ERFL: variants seen among roughly 807,000 people sequenced by gnomAD.
ERFL encodes the protein ETS repressor factor like.
In ERFL, 8 loss-of-function variants were observed where a neutral mutation model predicts 27.9. The ratio of observed to expected loss-of-function variants is 0.29; its 90% CI spans 0.17 to 0.52. ERFL has a LOEUF of 0.52. Ranked by LOEUF, ERFL falls within the 20% of genes least tolerant of loss-of-function variation. The probability of loss-of-function intolerance (pLI) is 0.97; values close to 1 mark genes in which losing one functional copy is unlikely to be tolerated. For synonymous variants in ERFL, 174 were observed against 202.8 expected, an observed-to-expected ratio of 0.86 and a Z score of 1.21; for missense variants, 294 against 444.4, an observed-to-expected ratio of 0.66 and a Z score of 3.04.
intron 1 of ERFL, among the ~76,000 whole-genome samples, chr19:41,920,662 G>C (rs1346498318): frequency 1.3e-5 from 2 of 152,252 alleles, no homozygotes; most frequent in African/African-American, 4.8e-5. Context: ...TGTCTACACA[G>C]ATCACATTCA....
chr19:41,915,328 T>A (rs1326347599), intron 1 of ERFL, among the ~76,000 whole-genome samples: 1 of 151,384 alleles, frequency 6.6e-6, no homozygotes, highest in African/African-American at 2.4e-5. Context: ...GTGCCCAGCC[T>A]TCGTCCTGTG....
rs111677971 is a variant in ERFL, at chr19:41,917,011, T to TGC, written c.-13-4080_-13-4079insGC. On this transcript the variant is annotated intron_variant, in intron 1 of 5. Transcript: ENST00000597630. This position sits in a 1 kb window ranked among gnomAD's most constrained non-coding sequence, Gnocchi z 4.8. The stretch of plus-strand genomic sequence containing the variant: ...CTTCCCAAGCATGTCTCTGCATGGG[T>TGC]GTGTGTGTGTGTGTGCACATATGTG... 0.23 allele frequency among the ~76,000 whole-genome samples: 35,315 copies of TGC among 151,072 alleles called. 8,260 individuals carry two copies. Among genetic ancestry groups the TGC allele is most frequent in the African/African-American group, 0.61 (25,026 of 41,128 alleles).
rs2074743546 is a variant in ERFL at position 41,910,037 on chromosome 19, T to C, written c.128A>G (p.Gln43Arg). Residue 43 changes from glutamine to arginine, a missense_variant, in exon 3 of 6, where the codon CAG becomes CGG. By Grantham distance (43) the Gln-to-Arg change is conservative. Transcript: ENST00000597630. The surrounding 1 kb of genome is among the most constrained non-coding windows in gnomAD (Gnocchi z 4.4). ...PESSPGSRQI[Q>R]LWHFILELLQ... ...CAGCTCCAGGATAAAGTGCCACAGC[T>C]GGATCTGCCTCGAGCCAGGGGATGA... 1 of 1,613,488 alleles carries C rather than the reference T, an allele frequency of 6.2e-7. No homozygotes were observed. Among genetic ancestry groups the C allele is most frequent in the African/African-American group, 1.3e-5 (1 of 74,890 alleles).
chr19:41,925,167 G>A (rs1200903588), intron 1 of ERFL, among the ~76,000 whole-genome samples: 3 of 152,110 alleles, frequency 2.0e-5, no homozygotes, highest in African/African-American at 7.2e-5. Flanking sequence ...AGTGGGTGTC[G>A]AAGCCTCGGT....
chr19:41,922,836 T>C (rs1467400403), intron 1 of ERFL, among the ~76,000 whole-genome samples: 1 of 152,226 alleles, frequency 6.6e-6, no homozygotes, highest in Non-Finnish European at 1.5e-5. Flanking sequence ...GATGCAATCC[T>C]GGCCCGCGCA....
In ERFL at chr19:41,910,175, C is replaced by G; in HGVS notation, c.68-78G>C. 1 of 1,387,106 alleles carries G rather than the reference C, an allele frequency of 7.2e-7. No individual in the cohort carries two copies. The highest frequency in any genetic ancestry group is 9.8e-7 in the Non-Finnish European group (1 of 1,020,058). 85.9% of individuals were successfully genotyped at this position (1,387,106 alleles called of 1,614,324 possible). A position where few individuals can be genotyped will look rare whatever the true frequency, so the allele number is the denominator to read the frequency against. ...TCTGGGTCCTGCTGGACTCAGTAAC[C>G]TGGGAGGCATGTAGTTCTCCTCCAG... On this transcript the variant is annotated intron_variant, in intron 2 of 5. Coordinates refer to ENST00000597630, the MANE Select transcript of ERFL (RefSeq NM_001365103.2). This position sits in a 1 kb window ranked among gnomAD's most constrained non-coding sequence, Gnocchi z 4.4.
In ERFL at chr19:41,916,339, G is replaced by A. The variant is rs1168368780; in HGVS notation, c.-13-3407C>T. Among the ~76,000 whole-genome samples the A allele has an allele frequency of 2.0e-5, 3 of 151,590 alleles. No individual in the cohort carries two copies. The highest frequency in any genetic ancestry group is 1.5e-5 in the Non-Finnish European group (1 of 67,914). On this transcript the variant is annotated intron_variant, in intron 1 of 5. Coordinates refer to ENST00000597630, the MANE Select transcript of ERFL (RefSeq NM_001365103.2). This position sits in a 1 kb window ranked among gnomAD's most constrained non-coding sequence, Gnocchi z 5.4. ...ACATCACACACACCAACAAAGCAAC[G>A]CATACCACTGCTGCCACACACAACC...
At chr19:41,923,301 A>C in intron 1 of ERFL, 1 of 390,888 alleles carries the variant, frequency 2.6e-6, no homozygotes, top group African/African-American at 2.1e-5. Flanking sequence ...GAGACAGAAA[A>C]GGAGGAAAGA....
Position 41,908,191 on chromosome 19 carries a change from G to A in ERFL, c.*37C>T. The A allele has an allele frequency of 8.1e-7, 1 of 1,229,892 alleles. No homozygotes were observed. The highest frequency in any genetic ancestry group is 1.0e-6 in the Non-Finnish European group (1 of 986,328). The allele number at this position is 1,229,892 out of a possible 1,614,324, so 76.2% of individuals were successfully genotyped here. A position where few individuals can be genotyped will look rare whatever the true frequency, so the allele number is the denominator to read the frequency against. On this transcript the variant is annotated 3_prime_UTR_variant, in exon 6 of 6. Transcript: ENST00000597630. The surrounding 1 kb of genome is among the most constrained non-coding windows in gnomAD (Gnocchi z 6.7). ...CAAGGGCAGACGGGCAGCCACCCTG[G>A]TCCCTGCCTCAGCAGAATCCATTGC...
intron 1 of ERFL, among the ~76,000 whole-genome samples, chr19:41,915,801 G>C: frequency 6.6e-6 from 1 of 152,110 alleles, no homozygotes; most frequent in Non-Finnish European, 1.5e-5. Context: ...ATCGCTGATC[G>C]ACTGATGGAG....
chr19:41,914,399 T>A (rs1347055136), intron 1 of ERFL, among the ~76,000 whole-genome samples: 2 of 150,682 alleles, frequency 1.3e-5, no homozygotes, highest in Non-Finnish European at 3.0e-5. Flanking sequence ...GCCCTCTCCC[T>A]CTCGTCTCCA....
In ERFL at chr19:41,908,053, T is replaced by C. The variant is rs1028290325; in HGVS notation, c.*175A>G. 1 of 452,026 alleles carries C rather than the reference T, an allele frequency of 2.2e-6. No homozygotes were observed. The highest frequency in any genetic ancestry group is 1.2e-4 in the South Asian group (1 of 8,062). The allele number at this position is 452,026 out of a possible 1,614,324, so 28.0% of individuals were successfully genotyped here. A position where few individuals can be genotyped will look rare whatever the true frequency, so the allele number is the denominator to read the frequency against. On this transcript the variant is annotated 3_prime_UTR_variant, in exon 6 of 6. Transcript: ENST00000597630. This position sits in a 1 kb window ranked among gnomAD's most constrained non-coding sequence, Gnocchi z 6.7. ...GCCATCACATTCCCTCTGTCCTCTG[T>C]GGAGGGGGAAGTGAGACCCCCCCCA...
Position 41,909,177 on chromosome 19 carries a change from T to G in ERFL, c.499A>C (p.Thr167Pro). The stretch of plus-strand genomic sequence containing the variant: ...GGGGCAGAGAACAGGGTTTGCAGGG[T>G]CTAGAGAGGGAGTGGGAGAAGCCGC... The part of the protein sequence containing the change: ...GPDAPPLTPE[T>P]LQTLFSAPRL... The change falls in exon 5 of 6, where the codon ACC (threonine) becomes CCC (proline). Residue 167 changes from threonine (T) to proline (P), a missense_variant and splice_region_variant. By Grantham distance (38) the Thr-to-Pro change is conservative (BLOSUM62 -1). This residue lies in a region of ERFL where 246 missense variants were observed against 371.4 expected (regional missense o/e 0.66). Coordinates refer to ENST00000597630, the MANE Select transcript of ERFL (RefSeq NM_001365103.2). The surrounding 1 kb of genome is among the most constrained non-coding windows in gnomAD (Gnocchi z 5.2). 8.1e-7 allele frequency: 1 copy of G among 1,231,384 alleles called. No homozygotes were observed. The highest frequency in any genetic ancestry group is 1.0e-6 in the Non-Finnish European group (1 of 988,066). 76.3% of individuals were successfully genotyped at this position (1,231,384 alleles called of 1,614,324 possible).
rs2074728730 is a variant in ERFL, at chr19:41,908,134, T to C, written c.*94A>G. The C allele has an allele frequency of 2.9e-6, 3 of 1,031,148 alleles. No individual in the cohort carries two copies. Among genetic ancestry groups the C allele is most frequent in the Non-Finnish European group, 2.5e-6 (2 of 804,620 alleles). 63.9% of individuals were successfully genotyped at this position (1,031,148 alleles called of 1,614,324 possible). A position where few individuals can be genotyped will look rare whatever the true frequency, so the allele number is the denominator to read the frequency against. On this transcript the variant is annotated 3_prime_UTR_variant, in exon 6 of 6. Coordinates refer to ENST00000597630, the MANE Select transcript of ERFL (RefSeq NM_001365103.2). The surrounding 1 kb of genome is among the most constrained non-coding windows in gnomAD (Gnocchi z 6.7). ...CAATGTGCCCAGACCTGGGAGGTGC[T>C]GAGGGCTGGTCCTGGGCCTTGGGCC...
chr19:41,912,903 A>G lies in ERFL; in HGVS notation c.17T>C (p.Val6Ala). The G allele has an allele frequency of 1.6e-6, 2 of 1,231,490 alleles. No homozygotes were observed. The highest frequency in any genetic ancestry group is 2.0e-6 in the Non-Finnish European group (2 of 987,904). 76.3% of individuals were successfully genotyped at this position (1,231,490 alleles called of 1,614,324 possible). The part of the protein sequence containing the change: MDCSC[V>A]SDLLFAPPAL... Reference sequence around the variant, plus strand: ...GGGCGGGGCGAAGAGAAGGTCGGAGACGCAGCTACAGTCCATGGCGGAGCC... The same window carrying G: ...GGGCGGGGCGAAGAGAAGGTCGGAGGCGCAGCTACAGTCCATGGCGGAGCC... The change falls in exon 2 of 6, where the codon GTC (valine) becomes GCC (alanine). Residue 6 changes from valine (V) to alanine (A), a missense_variant. Physicochemically the swap from Val to Ala is moderately conservative, Grantham distance 64 (BLOSUM62 0). Around this residue, in one of 3 missense-constraint regions of ERFL, gnomAD observed 38 missense variants for 35.3 expected, o/e 1.08. Coordinates refer to ENST00000597630, the MANE Select transcript of ERFL (RefSeq NM_001365103.2).
At position 41,910,933 on chromosome 19, in the gene ERFL, C is replaced by G. The variant is rs1377100075; in HGVS notation, c.68-836G>C. ...CCCACAGTGCACACCCATCACAACA[C>G]AGAATTACACATCTCAAGACTGGGA... On this transcript the variant is annotated intron_variant, in intron 2 of 5. Transcript: ENST00000597630. The surrounding 1 kb of genome is among the most constrained non-coding windows in gnomAD (Gnocchi z 4.4). Among the ~76,000 whole-genome samples, 2 of 152,184 alleles carry G rather than the reference C, an allele frequency of 1.3e-5. No homozygotes were observed. Among genetic ancestry groups the G allele is most frequent in the Non-Finnish European group, 2.9e-5 (2 of 68,038 alleles).
rs2074811737 is a variant in ERFL, at chr19:41,917,917, TCA to T, written c.-13-4987_-13-4986del. ...GGTGCACGAAGCCAGCTCCCCGCGG[TCA>T]CACACTGTGTGTGTGTGTGCTCACA... On this transcript the variant is annotated intron_variant, in intron 1 of 5. Coordinates refer to ENST00000597630, the MANE Select transcript of ERFL (RefSeq NM_001365103.2). The surrounding 1 kb of genome is among the most constrained non-coding windows in gnomAD (Gnocchi z 4.8). Among the ~76,000 whole-genome samples, 1 of 151,762 alleles carries T rather than the reference TCA, an allele frequency of 6.6e-6. No homozygotes were observed. The highest frequency in any genetic ancestry group is 2.1e-4 in the South Asian group (1 of 4,808).
intron 1 of ERFL, 61 bp downstream of exon 1, chr19:41,927,979 C>T (rs907000031): frequency 2.0e-5 from 3 of 151,698 alleles, no homozygotes; most frequent in South Asian, 2.1e-4. Flanking sequence ...CGCCCGCCCC[C>T]TCCTGGGGCG....
At chr19:41,914,417 C>T (rs1481276989) in intron 1 of ERFL, among the ~76,000 whole-genome samples, 1 of 151,722 alleles carries the variant, frequency 6.6e-6, no homozygotes, top group African/African-American at 2.4e-5. Context: ...CCATCTCCTC[C>T]TCCACCCCTC....
Sources: allele counts gnomAD v4.1 joint callset (sites outside exome capture counted in the v4.1 genomes callset), GRCh38; gene constraint gnomAD v4.1.1; regional missense constraint gnomAD v4.1.1; non-coding constraint Gnocchi (gnomAD v3.1); transcripts MANE v1.5; gene names NCBI Gene and HGNC (gene_info 2026-07-23, HGNC 2026-07-21).